Variants in PDE5A observed in about 807,000 individuals in gnomAD.
The protein encoded by PDE5A is cGMP-specific 3',5'-cyclic phosphodiesterase.
Under a neutral mutation model 110.2 loss-of-function variants are expected in PDE5A, and 67 were observed. That is an observed-to-expected ratio of 0.61 (90% CI 0.50 to 0.75). PDE5A has a LOEUF of 0.75. PDE5A is among the 30% of genes least tolerant of loss of function. The pLI, the probability that PDE5A is intolerant of heterozygous loss-of-function variation, is 0.00. For synonymous variants in PDE5A, 328 were observed against 351.2 expected, an observed-to-expected ratio of 0.93 and a Z score of 0.74; for missense variants, 862 against 1,045.1, an observed-to-expected ratio of 0.82 and a Z score of 2.42.
chr4:119,501,312 T>C (rs1331305002), intron 19 of PDE5A, 59 bp from the exon 20 acceptor site: 4 of 1,044,594 alleles, frequency 3.8e-6, no homozygotes, highest in Admixed American at 1.8e-5. Context: ...TAGTTAGTTA[T>C]TACTTTATTA....
intron 11 of PDE5A, among the ~76,000 whole-genome samples, chr4:119,534,988 C>T (rs552084341): frequency 1.5e-4 from 23 of 152,250 alleles, no homozygotes; most frequent in Admixed American, 5.9e-4. Context: ...GCACTGCCTC[C>T]GTGACAAAAA....
chr4:119,561,631 C>T (rs1727750089), intron 6 of PDE5A, among the ~76,000 whole-genome samples: 1 of 152,138 alleles, frequency 6.6e-6, no homozygotes, highest in African/African-American at 2.4e-5. Flanking sequence ...TGACATACTA[C>T]ATTAAGGAAT....
At chr4:119,614,596 C>T (rs1363853937) in intron 1 of PDE5A, among the ~76,000 whole-genome samples, 1 of 152,124 alleles carries the variant, frequency 6.6e-6, no homozygotes, top group Non-Finnish European at 1.5e-5. Flanking sequence ...GATAATTGAA[C>T]CTTTTGAAAG....
intron 3 of PDE5A, among the ~76,000 whole-genome samples, chr4:119,583,947 G>C (rs1467945905): frequency 6.6e-6 from 1 of 152,176 alleles, no homozygotes; most frequent in Non-Finnish European, 1.5e-5. Context: ...TTTGTATGCT[G>C]ATGAGCAGAT....
chr4:119,590,957 C>T (rs1728943019), intron 3 of PDE5A, among the ~76,000 whole-genome samples: 1 of 152,052 alleles, frequency 6.6e-6, no homozygotes, highest in Admixed American at 6.5e-5. Flanking sequence ...TTTTAGGTTC[C>T]TTGGTAATTA....
chr4:119,531,000 A>C (rs768943025), intron 11 of PDE5A, among the ~76,000 whole-genome samples: 7 of 152,168 alleles, frequency 4.6e-5, no homozygotes, highest in Non-Finnish European at 7.4e-5. Context: ...GCTTGTCTTA[A>C]TAATCATTAA....
intron 18 of PDE5A, among the ~76,000 whole-genome samples, chr4:119,503,115 T>G (rs1433208481): frequency 6.6e-6 from 1 of 152,096 alleles, no homozygotes; most frequent in East Asian, 1.9e-4. Context: ...CTTTGGCACA[T>G]GGAGAATGAG....
Position 119,495,086 on chromosome 4 carries a change from ATGTT to A in PDE5A, c.*3511_*3514del, listed in dbSNP as rs1725013383. The A allele has an allele frequency of 6.6e-6, 1 of 152,412 alleles. No individual in the cohort carries two copies. Among genetic ancestry groups the A allele is most frequent in the South Asian group, 2.1e-4 (1 of 4,832 alleles). The allele number at this position is 152,412 out of a possible 1,614,324, so 9.4% of individuals were successfully genotyped here. On this transcript the variant is annotated 3_prime_UTR_variant, in exon 21 of 21. Coordinates refer to ENST00000354960, the MANE Select transcript of PDE5A (RefSeq NM_001083.4). ...TGATTCATACTTGCAAAAAGACAGG[ATGTT>A]TGTTTACTGGTAGATTCTTAGTAAG...
At chr4:119,584,298 T>C (rs150986812) in intron 3 of PDE5A, among the ~76,000 whole-genome samples, 61 of 152,254 alleles carry the variant, frequency 4.0e-4, no homozygotes, top group African/African-American at 1.4e-3. Context: ...TGTAAAACAA[T>C]ACATGCAAAA....
intron 14 of PDE5A, among the ~76,000 whole-genome samples, chr4:119,511,410 A>T (rs1162578173): frequency 3.9e-5 from 6 of 152,158 alleles, no homozygotes; most frequent in Non-Finnish European, 8.8e-5. Flanking sequence ...AGTAAGGAGT[A>T]AAGACAAAAA....
chr4:119,596,651 G>T, intron 2 of PDE5A, 39 bp from the exon 3 acceptor site: 1 of 1,122,796 alleles, frequency 8.9e-7, no homozygotes, highest in Non-Finnish European at 1.3e-6. Context: ...TGACTGACCT[G>T]TTCAAAGATT....
At position 119,517,516 on chromosome 4, in the gene PDE5A, A is replaced by T. The variant is rs185091742; in HGVS notation, c.2000+1529T>A. On this transcript the variant is annotated intron_variant, in intron 14 of 20. Coordinates refer to ENST00000354960, the MANE Select transcript of PDE5A (RefSeq NM_001083.4). ...TGCTTTAACTTTTTTTTTTTTTTTAAAGTTGAAGTCTGCTTTGTGGTGTGT... is the reference window on the plus strand; with the variant it reads ...TGCTTTAACTTTTTTTTTTTTTTTATAGTTGAAGTCTGCTTTGTGGTGTGT... Among the ~76,000 whole-genome samples, 87 of 151,346 alleles carry T rather than the reference A, an allele frequency of 5.7e-4. 2 individuals are homozygous for T. Among genetic ancestry groups the T allele is most frequent in the Admixed American group, 4.4e-3 (67 of 15,240 alleles).
At chr4:119,509,712 CA>C (rs753494628) in intron 15 of PDE5A, among the ~76,000 whole-genome samples, 1 of 151,998 alleles carries the variant, frequency 6.6e-6, no homozygotes, top group African/African-American at 2.4e-5. Flanking sequence ...TGTAGAAAAA[CA>C]ATCTGTACTA....
At chr4:119,586,468 TGGAATCTTAGACATTAATGGATG>T (rs1299724649) in intron 3 of PDE5A, among the ~76,000 whole-genome samples, 1 of 152,216 alleles carries the variant, frequency 6.6e-6, no homozygotes, top group Non-Finnish European at 1.5e-5. Flanking sequence ...ACTTTACCTA[TGGAATCTTAGACATTAATGGATG>T]AGTATAGATG....
rs976882036 is a variant in PDE5A at position 119,627,395 on chromosome 4, G to A, written c.152+1125C>T. The A allele has an allele frequency of 4.1e-6, 3 of 735,696 alleles. No individual in the cohort carries two copies. Among genetic ancestry groups the A allele is most frequent in the Admixed American group, 1.2e-4 (2 of 16,136 alleles). 45.6% of individuals were successfully genotyped at this position (735,696 alleles called of 1,614,324 possible). A position where few individuals can be genotyped will look rare whatever the true frequency, so the allele number is the denominator to read the frequency against. On this transcript the variant is annotated intron_variant, in intron 1 of 20. Transcript: ENST00000354960. The surrounding 1 kb of genome is among the most constrained non-coding windows in gnomAD (Gnocchi z 4.6). ...ACCGGCAGAGCCGCGGCCGCGCGCC[G>A]GCGAGTGGGACCCGGGCGTCGAACC...
In PDE5A at chr4:119,539,794, T is replaced by C; in HGVS notation, c.1573-775A>G. ...ATTTCCATTTTCAAAAGCAATCATT[T>C]CTAATTACAAGTTGAGCATCCCAAA... On this transcript the variant is annotated intron_variant, in intron 10 of 20. Coordinates refer to ENST00000354960, the MANE Select transcript of PDE5A (RefSeq NM_001083.4). 1.3e-5 allele frequency among the ~76,000 whole-genome samples: 2 copies of C among 152,158 alleles called. 1 individual carries two copies. Among genetic ancestry groups the C allele is most frequent in the Admixed American group, 1.3e-4 (2 of 15,248 alleles).
chr4:119,591,132 G>T (rs1157268196), intron 3 of PDE5A, among the ~76,000 whole-genome samples: 2 of 152,192 alleles, frequency 1.3e-5, no homozygotes, highest in Non-Finnish European at 2.9e-5. Flanking sequence ...GCTGTGTTGG[G>T]ATCCCAGTTA....
At chr4:119,506,297 A>C (rs995689679) in intron 16 of PDE5A, among the ~76,000 whole-genome samples, 1 of 151,882 alleles carries the variant, frequency 6.6e-6, no homozygotes, top group Non-Finnish European at 1.5e-5. Context: ...TATAGGTTTC[A>C]GTTTATCATT....
At chr4:119,514,920 C>T (rs879641865) in intron 14 of PDE5A, among the ~76,000 whole-genome samples, 2 of 152,062 alleles carry the variant, frequency 1.3e-5, no homozygotes, top group Admixed American at 1.3e-4. Flanking sequence ...TAATGACTTG[C>T]ACAAGGTCAC....
Sources: allele counts gnomAD v4.1 joint callset (sites outside exome capture counted in the v4.1 genomes callset), GRCh38; gene constraint gnomAD v4.1.1; non-coding constraint Gnocchi (gnomAD v3.1); transcripts MANE v1.5; gene names NCBI Gene and HGNC (gene_info 2026-07-23, HGNC 2026-07-21).